The following IL9R variants were observed in gnomAD, a reference collection of about 807,000 sequenced individuals.
IL9R encodes interleukin 9 receptor, also known as interleukin-9 receptor.
A neutral mutation model predicts 56.3 loss-of-function variants in IL9R; 54 were observed. That is an observed-to-expected ratio of 0.96 (90% CI 0.77 to 1.20). IL9R has a LOEUF of 1.20. Among genes scored for constraint, IL9R ranks in the 50% most tolerant of loss-of-function variants. IL9R has a pLI of 0.00. For synonymous variants in IL9R, 212 were observed against 250.2 expected, an observed-to-expected ratio of 0.85 and a Z score of 1.44; for missense variants, 545 against 629.8, an observed-to-expected ratio of 0.87 and a Z score of 1.44.
chrX:156,001,467 G>A (rs2067518350), intron 1 of IL9R: 7 of 1,609,996 alleles, frequency 4.3e-6, no homozygotes, highest in Non-Finnish European at 5.1e-6. Flanking sequence ...GTTTCATGCT[G>A]TGGCTGGTGG....
At position 156,002,922 on chromosome X, in the gene IL9R, T is replaced by C; in HGVS notation, c.45T>C (p.Ser15=). The stretch of plus-strand genomic sequence containing the variant: ...CCCTTGCAGGCTGGACCTTGGAGAG[T>C]GAGGCCCTGAGGCGAGACATGGGCA... The part of the protein sequence containing the change: ...RCIWEGWTLE[S]EALRRDMGTW... The change falls in exon 2 of 9, where the codon AGT becomes AGC. Residue 15 remains serine (S), a synonymous_variant. Coordinates refer to ENST00000244174, the MANE Select transcript of IL9R (RefSeq NM_002186.3). 1 of 1,613,660 alleles carries C rather than the reference T, an allele frequency of 6.2e-7. No individual in the cohort carries two copies. Among genetic ancestry groups the C allele is most frequent in the Non-Finnish European group, 8.5e-7 (1 of 1,179,782 alleles).
chrX:156,011,566 G>A (rs1367384534), downstream of IL9R, among the ~76,000 whole-genome samples: 2 of 107,026 alleles, frequency 1.9e-5, 1 homozygote, highest in Admixed American at 1.6e-4. Context: ...TTGCACATAT[G>A]GGGTGGAGCG....
chrX:156,001,389 C>T (rs2067512426), intron 1 of IL9R: 3 of 1,546,892 alleles, frequency 1.9e-6, no homozygotes, highest in African/African-American at 2.7e-5. Context: ...GACTGCCTTC[C>T]CCATTCCCAC....
intron 8 of IL9R, chrX:156,007,868 A>G: frequency 2.3e-6 from 1 of 441,798 alleles, no homozygotes; most frequent in Non-Finnish European, 3.6e-6. Flanking sequence ...TAAATTTCTC[A>G]TAACTTATCT....
chrX:155,999,564 T>C (rs1352957671), intron 1 of IL9R, among the ~76,000 whole-genome samples: 6 of 152,098 alleles, frequency 3.9e-5, no homozygotes, highest in East Asian at 1.9e-4. Context: ...CCCAACAGCA[T>C]TGGGGATTCC....
intron 1 of IL9R, among the ~76,000 whole-genome samples, chrX:155,999,652 C>T (rs1418796627): frequency 1.3e-5 from 2 of 152,132 alleles, no homozygotes; most frequent in Admixed American, 6.5e-5. Context: ...CATTTTCTGG[C>T]ACAGGCTCCA....
At chrX:156,000,730 C>T (rs1372269920) in intron 1 of IL9R, among the ~76,000 whole-genome samples, 1 of 152,168 alleles carries the variant, frequency 6.6e-6, no homozygotes, top group South Asian at 2.1e-4. Context: ...GCCCTGTGGT[C>T]AAGGATGGGG....
rs778940136 is a variant in IL9R at position 156,004,593 on chromosome X, G to T, written c.579+28G>T. 8.1e-6 allele frequency: 13 copies of T among 1,611,150 alleles called. No homozygotes were observed. The East Asian group carries it at 2.0e-4, about 25-fold the overall frequency. On this transcript the variant is annotated intron_variant, in intron 5 of 8. Coordinates refer to ENST00000244174, the MANE Select transcript of IL9R (RefSeq NM_002186.3). ...AACACTTTGGCTGGCTTTCCCTGGG[G>T]GCCTCTCTCCTGGGAACAGCAGTCC...
At chrX:156,011,402 C>T (rs2068440354), downstream of IL9R, among the ~76,000 whole-genome samples, 1 of 105,080 alleles carries the variant, frequency 9.5e-6, no homozygotes. Context: ...AAGGAAGCTT[C>T]CCAGACAAGA....
chrX:156,003,645 AG>A, intron 3 of IL9R, 31 bp from the exon 4 acceptor site: 1 of 1,612,274 alleles, frequency 6.2e-7, no homozygotes, highest in Non-Finnish European at 8.5e-7. Context: ...ACAGTGTAGC[AG>A]CCCCGTGGTG....
intron 6 of IL9R, 124 bp downstream of exon 6, chrX:156,005,603 A>T: frequency 1.3e-6 from 1 of 775,486 alleles, no homozygotes; most frequent in Non-Finnish European, 2.2e-6. Context: ...GCCATGCCTC[A>T]GTTGACCCCC....
chrX:156,002,958 G>A lies in IL9R; in HGVS notation c.81G>A (p.Leu27=). The change falls in exon 2 of 9, where the codon CTG becomes CTA. Residue 27 remains leucine (L), a synonymous_variant. Transcript: ENST00000244174. The part of the protein sequence containing the change: ...ALRRDMGTWL[L]ACICICTCVC... ...GGCGAGACATGGGCACCTGGCTCCTGGCCTGCATCTGCATCTGCACCTGTG... is the reference window on the plus strand; with the variant it reads ...GGCGAGACATGGGCACCTGGCTCCTAGCCTGCATCTGCATCTGCACCTGTG... The A allele has an allele frequency of 6.2e-7, 1 of 1,613,892 alleles. No homozygotes were observed. Among genetic ancestry groups the A allele is most frequent in the East Asian group, 2.2e-5 (1 of 44,856 alleles).
chrX:156,007,143 C>G lies in IL9R; in HGVS notation c.888-380C>G, dbSNP rs773287103. Among the ~76,000 whole-genome samples the G allele has an allele frequency of 3.7e-3, 559 of 149,204 alleles. 6 individuals carry two copies. The highest frequency in any genetic ancestry group is 0.012 in the African/African-American group (492 of 40,454). On this transcript the variant is annotated intron_variant, in intron 7 of 8. Coordinates refer to ENST00000244174, the MANE Select transcript of IL9R (RefSeq NM_002186.3). ...GGGAGGGTCAGTGGATCCTTGGCAG[C>G]AAGTCTGGTGCTCAGGGAGACACTG...
chrX:156,003,583 A>G, intron 3 of IL9R, 23 bp downstream of exon 3: 1 of 1,606,846 alleles, frequency 6.2e-7, no homozygotes, highest in Non-Finnish European at 8.5e-7. Flanking sequence ...GGCCATGCCC[A>G]CCTGGACAGG....
intron 1 of IL9R, among the ~76,000 whole-genome samples, chrX:155,999,005 C>T (rs2067327077): frequency 2.0e-5 from 3 of 152,172 alleles, no homozygotes; most frequent in African/African-American, 7.2e-5. Flanking sequence ...GGCCCATGGC[C>T]ACTGCTCAAC....
chrX:156,007,697 C>T lies in IL9R; in HGVS notation c.972+90C>T, dbSNP rs1470928040. 3.9e-5 allele frequency: 20 copies of T among 512,270 alleles called. 1 individual carries two copies. The highest frequency in any genetic ancestry group is 2.9e-4 in the East Asian group (5 of 16,950). The allele number at this position is 512,270 out of a possible 1,614,324, so 31.7% of individuals were successfully genotyped here. On this transcript the variant is annotated intron_variant, in intron 8 of 8. Coordinates refer to ENST00000244174, the MANE Select transcript of IL9R (RefSeq NM_002186.3). ...GATGTTGGCTTTCACTGAGGGTTGG[C>T]GGCCAGTATGGGAGGCTTGTCAGTG...
intron 2 of IL9R, among the ~76,000 whole-genome samples, 169 bp from the exon 3 acceptor site, chrX:156,003,280 G>A (rs1038068172): frequency 2.0e-5 from 3 of 152,004 alleles, no homozygotes; most frequent in Admixed American, 2.0e-4. Context: ...TGTACCACAG[G>A]TCAGAGCCCA....
rs749288081 is a variant in IL9R, at chrX:156,004,523, C to T, written c.537C>T (p.Leu179=). The change falls in exon 5 of 9, where the codon CTC becomes CTT. Residue 179 remains leucine, a synonymous_variant. Transcript: ENST00000244174. ...CCTTGGAGCCAATGACCACACTTCT[C>T]AGCTATGAGCTGGCCTTCAAGAAGC... The part of the protein sequence containing the change: ...SPALEPMTTL[L]SYELAFKKQE... 6.2e-7 allele frequency: 1 copy of T among 1,613,406 alleles called. No homozygotes were observed. The highest frequency in any genetic ancestry group is 1.1e-5 in the South Asian group (1 of 91,028).
chrX:155,998,292 T>C (rs1430862489), intron 1 of IL9R, among the ~76,000 whole-genome samples: 1 of 151,794 alleles, frequency 6.6e-6, no homozygotes, highest in East Asian at 1.9e-4. Context: ...GAGCTGTGTG[T>C]GGGGCAGCAG....
Sources: allele counts gnomAD v4.1 joint callset (sites outside exome capture counted in the v4.1 genomes callset), GRCh38; gene constraint gnomAD v4.1.1; transcripts MANE v1.5; gene names NCBI Gene and HGNC (gene_info 2026-07-23, HGNC 2026-07-21).